Variants in AKAP10 observed in about 807,000 individuals in gnomAD.
AKAP10 encodes A-kinase anchor protein 10, mitochondrial.
A neutral mutation model predicts 80.8 loss-of-function variants in AKAP10; 24 were observed. The observed-to-expected ratio is 0.30, with a 90% CI of 0.22 to 0.42. The LOEUF (loss-of-function observed/expected upper bound fraction) is 0.42. Among genes scored for constraint, AKAP10 ranks in the 10% least tolerant of loss-of-function variants. The pLI is 1.00. For missense variants in AKAP10, 661 were observed against 794.9 expected, an observed-to-expected ratio of 0.83 and a Z score of 2.03; for synonymous variants, 291 against 277.7, an observed-to-expected ratio of 1.05 and a Z score of -0.48.
At chr17:19,954,459 T>A (rs1217312729) in intron 4 of AKAP10, among the ~76,000 whole-genome samples, 4 of 151,208 alleles carry the variant, frequency 2.6e-5, no homozygotes, top group Non-Finnish European at 5.9e-5. Flanking sequence ...AAGATATATA[T>A]CTAAACGTAA....
intron 12 of AKAP10, among the ~76,000 whole-genome samples, chr17:19,917,878 G>A (rs980636848): frequency 1.3e-5 from 2 of 151,570 alleles, no homozygotes; most frequent in Non-Finnish European, 2.9e-5. Context: ...AGCCAAGCCT[G>A]GCGACAGAGC....
intron 8 of AKAP10, 133 bp downstream of exon 8, chr17:19,939,580 T>C (rs2043030255): frequency 1.9e-6 from 2 of 1,029,898 alleles, no homozygotes; most frequent in Non-Finnish European, 2.7e-6. Context: ...ACAAACACCA[T>C]ATAAAAGCAG....
intron 12 of AKAP10, among the ~76,000 whole-genome samples, chr17:19,912,544 A>C (rs761777781): frequency 6.6e-6 from 1 of 152,086 alleles, no homozygotes; most frequent in African/African-American, 2.4e-5. Context: ...CTCAGAAAAA[A>C]ACAAAACGAA....
intron 10 of AKAP10, among the ~76,000 whole-genome samples, chr17:19,931,447 G>C (rs954255648): frequency 2.0e-5 from 3 of 149,706 alleles, no homozygotes; most frequent in Non-Finnish European, 3.0e-5. Context: ...CTGGAGTGCA[G>C]TGGCGTGATT....
chr17:19,937,117 G>T (rs1262993464), intron 8 of AKAP10, among the ~76,000 whole-genome samples: 1 of 151,310 alleles, frequency 6.6e-6, no homozygotes, highest in African/African-American at 2.4e-5. Flanking sequence ...AAAAAAAAAA[G>T]GCTCTCTTCC....
In AKAP10 at chr17:19,931,966, C is replaced by T; in HGVS notation, c.1480G>A (p.Gly494Ser). 6.2e-7 allele frequency: 1 copy of T among 1,610,646 alleles called. No individual in the cohort carries two copies. Among genetic ancestry groups the T allele is most frequent in the Non-Finnish European group, 8.5e-7 (1 of 1,179,038 alleles). The change falls in exon 10 of 15, where the codon GGC becomes AGC. Residue 494 changes from glycine (G) to serine (S), a missense_variant. Transcript: ENST00000225737. ...WTTMEKVFLP[G>S]FLSSNLYYKY... ...TAATAAAGATTGCTGGACAAAAAGC[C>T]AGGCAAAAAGACCTGATAGAGATGA...
At chr17:19,939,665 C>A in intron 8 of AKAP10, 48 bp downstream of exon 8, 2 of 1,580,424 alleles carry the variant, frequency 1.3e-6, no homozygotes, top group East Asian at 2.3e-5. Flanking sequence ...CAAAACATAT[C>A]AAATGTTCAA....
At position 19,905,899 on chromosome 17, in the gene AKAP10, A is replaced by C; in HGVS notation, c.*328T>G. On this transcript the variant is annotated 3_prime_UTR_variant, in exon 15 of 15. Coordinates refer to ENST00000225737, the MANE Select transcript of AKAP10 (RefSeq NM_007202.4). ...AGTTCTATGCTTATCTGCTTCCCAG[A>C]GGATGTGGTCCCTGTCTATTCCAGT... The C allele has an allele frequency of 3.4e-6, 1 of 294,042 alleles. No homozygotes were observed. The highest frequency in any genetic ancestry group is 6.5e-6 in the Non-Finnish European group (1 of 153,574). The allele number at this position is 294,042 out of a possible 1,614,324, so 18.2% of individuals were successfully genotyped here. A position where few individuals can be genotyped will look rare whatever the true frequency, so the allele number is the denominator to read the frequency against.
chr17:19,941,778 A>C (rs1280479885), intron 6 of AKAP10, 48 bp downstream of exon 6: 1 of 1,418,166 alleles, frequency 7.1e-7, no homozygotes. Flanking sequence ...CCTAACAATG[A>C]ACCCAAATTC....
intron 4 of AKAP10, among the ~76,000 whole-genome samples, chr17:19,952,647 C>T (rs1261939386): frequency 1.3e-5 from 2 of 151,972 alleles, no homozygotes; most frequent in Non-Finnish European, 2.9e-5. Flanking sequence ...AATTGGACAA[C>T]AGATATTTCT....
At chr17:19,939,642 A>G in intron 8 of AKAP10, 71 bp downstream of exon 8, 1 of 1,536,930 alleles carries the variant, frequency 6.5e-7, no homozygotes, top group Non-Finnish European at 8.8e-7. Context: ...GAGTTTATTC[A>G]TCTTTATTTC....
At chr17:19,941,559 C>T (rs2043050934) in intron 6 of AKAP10, among the ~76,000 whole-genome samples, 1 of 152,216 alleles carries the variant, frequency 6.6e-6, no homozygotes, top group Middle Eastern at 3.4e-3. Context: ...GACTCAATCA[C>T]TCCCCAAATT....
At position 19,927,580 on chromosome 17, in the gene AKAP10, C is replaced by T. The variant is rs1021067005; in HGVS notation, c.1642-3063G>A. The stretch of plus-strand genomic sequence containing the variant: ...TTGGGAGGCCAAGGCAGGAGGATCA[C>T]TTGAACCCAGGAGTTTGAGACCAGC... On this transcript the variant is annotated intron_variant, in intron 10 of 14. Coordinates refer to ENST00000225737, the MANE Select transcript of AKAP10 (RefSeq NM_007202.4). Among the ~76,000 whole-genome samples the T allele has an allele frequency of 4.6e-5, 7 of 152,130 alleles. No homozygotes were observed. The East Asian group carries it at 1.4e-3, about 29-fold the overall frequency.
chr17:19,931,301 G>T (rs1241050710), intron 10 of AKAP10, among the ~76,000 whole-genome samples: 1 of 151,528 alleles, frequency 6.6e-6, no homozygotes, highest in Admixed American at 6.6e-5. Context: ...TGGCCTAAAT[G>T]AAACAGCATG....
chr17:19,931,891 C>A lies in AKAP10; in HGVS notation c.1555G>T (p.Gly519Cys). The change falls in exon 10 of 15, where the codon GGC (glycine) becomes TGC (cysteine). Residue 519 changes from glycine (G) to cysteine (C), a missense_variant. By Grantham distance (159) the Gly-to-Cys change is radical (BLOSUM62 -3). Transcript: ENST00000225737. ...GGAGCAGTCAGCGACACGTTCCCGCCCAGAAATTCATCTCCTCGAACCGAA... is the reference window on the plus strand; with the variant it reads ...GGAGCAGTCAGCGACACGTTCCCGCACAGAAATTCATCTCCTCGAACCGAA... ...IHSVRGDEFL[G>C]GNVSLTAPGS... 1 of 1,613,996 alleles carries A rather than the reference C, an allele frequency of 6.2e-7. No individual in the cohort carries two copies. The highest frequency in any genetic ancestry group is 2.2e-5 in the East Asian group (1 of 44,872).
chr17:19,974,609 T>C (rs1262969078), intron 1 of AKAP10, among the ~76,000 whole-genome samples: 1 of 152,148 alleles, frequency 6.6e-6, no homozygotes, highest in East Asian at 1.9e-4. Flanking sequence ...TGGGACTCAA[T>C]GCATTGATGG....
rs749772128 is a variant in AKAP10, at chr17:19,958,588, A to G, written c.320-17T>C. The G allele has an allele frequency of 4.5e-6, 7 of 1,570,398 alleles. No homozygotes were observed. Among genetic ancestry groups the G allele is most frequent in the Admixed American group, 1.9e-5 (1 of 53,930 alleles). ...AAGATCTGCCTAAAAGATAGAAGCA[A>G]AAGAATTAGCAGTTCAGCAACAAAT... On this transcript the variant is annotated splice_polypyrimidine_tract_variant and intron_variant, in intron 3 of 14. Coordinates refer to ENST00000225737, the MANE Select transcript of AKAP10 (RefSeq NM_007202.4).
intron 7 of AKAP10, 135 bp from the exon 8 acceptor site, chr17:19,939,984 T>C (rs1567762026): frequency 3.2e-6 from 3 of 923,212 alleles, no homozygotes; most frequent in Non-Finnish European, 4.6e-6. Context: ...TGTTAACACC[T>C]GTCAGCAAGT....
intron 4 of AKAP10, among the ~76,000 whole-genome samples, chr17:19,957,365 C>A (rs2043289787): frequency 6.6e-6 from 1 of 151,866 alleles, no homozygotes; most frequent in African/African-American, 2.4e-5. Flanking sequence ...CATGGTGAAA[C>A]CCCGTCTCTA....
Sources: gnomAD v4.1 joint callset for allele counts (sites outside exome capture counted in the v4.1 genomes callset) on GRCh38, gnomAD v4.1.1 for gene constraint, MANE v1.5 for transcripts, NCBI Gene and HGNC (gene_info 2026-07-23, HGNC 2026-07-21) for gene names.